Variants in CFAP299 observed in about 807,000 individuals in gnomAD.
The protein encoded by CFAP299 is cilia and flagella associated protein 299.
A neutral mutation model predicts 27.0 loss-of-function variants in CFAP299; 21 were observed. That is an observed-to-expected ratio of 0.78 (90% CI 0.55 to 1.12). The LOEUF is 1.12. Among genes scored for constraint, CFAP299 ranks in the 50% most tolerant of loss-of-function variants. The probability of loss-of-function intolerance (pLI) is 0.00; values close to 1 mark genes in which losing one functional copy is unlikely to be tolerated. For missense variants in CFAP299, 310 were observed against 276.6 expected (o/e 1.12, Z -0.86); for synonymous variants, 104 against 98.1 (o/e 1.06, Z -0.36).
At position 80,546,000 on chromosome 4, in the gene CFAP299, A is replaced by C. The variant is rs78754880; in HGVS notation, c.243-37093A>C. 3.5e-3 allele frequency among the ~76,000 whole-genome samples: 539 copies of C among 152,282 alleles called. 5 individuals carry two copies. The highest frequency in any genetic ancestry group is 6.7e-3 in the Non-Finnish European group (454 of 68,024). ...CACATAAACAAAATTAATAACATAG[A>C]CTACATGATTATATCAATAGACACA... On this transcript the variant is annotated intron_variant, in intron 2 of 5. Coordinates refer to ENST00000358105, the MANE Select transcript of CFAP299 (RefSeq NM_152770.3).
chr4:80,414,076 T>C (rs1393378604), intron 2 of CFAP299, among the ~76,000 whole-genome samples: 3 of 146,720 alleles, frequency 2.0e-5, no homozygotes. Flanking sequence ...TTTTTTTTTT[T>C]TTTTTTTTTT....
chr4:80,391,101 C>A (rs1164153562), intron 2 of CFAP299, among the ~76,000 whole-genome samples: 1 of 151,768 alleles, frequency 6.6e-6, no homozygotes, highest in Non-Finnish European at 1.5e-5. Context: ...ATATATCCTG[C>A]ATTTTCTTTA....
At chr4:80,651,862 T>C (rs1740321683) in intron 3 of CFAP299, among the ~76,000 whole-genome samples, 1 of 152,066 alleles carries the variant, frequency 6.6e-6, no homozygotes, top group African/African-American at 2.4e-5. Flanking sequence ...AAAGAGCTTA[T>C]GTGAAGAGTT....
At chr4:80,447,783 G>A (rs1186559743) in intron 2 of CFAP299, among the ~76,000 whole-genome samples, 1 of 152,118 alleles carries the variant, frequency 6.6e-6, no homozygotes, top group Admixed American at 6.5e-5. Context: ...CAGTCTTCTT[G>A]CTTTAAATTT....
chr4:80,896,276 A>G (rs1734605360), intron 4 of CFAP299, among the ~76,000 whole-genome samples: 1 of 152,136 alleles, frequency 6.6e-6, no homozygotes, highest in Non-Finnish European at 1.5e-5. Flanking sequence ...ATTTTGTAAT[A>G]CACATGTAAT....
At chr4:80,550,770 C>T (rs940324590) in intron 2 of CFAP299, among the ~76,000 whole-genome samples, 4 of 151,564 alleles carry the variant, frequency 2.6e-5, no homozygotes, top group African/African-American at 4.9e-5. Flanking sequence ...AACACACACA[C>T]ACACACACAC....
At chr4:80,669,574 CTTTT>C (rs77565445) in intron 3 of CFAP299, among the ~76,000 whole-genome samples, 1 of 133,522 alleles carries the variant, frequency 7.5e-6, no homozygotes. Flanking sequence ...AACAGTTTTT[CTTTT>C]TTTTTTTTTT....
intron 3 of CFAP299, among the ~76,000 whole-genome samples, chr4:80,812,529 A>G (rs1729209416): frequency 6.6e-6 from 1 of 152,120 alleles, no homozygotes; most frequent in Non-Finnish European, 1.5e-5. Context: ...TATTTCATTT[A>G]TTTACTTACT....
chr4:80,407,852 G>A (rs529947141), intron 2 of CFAP299, among the ~76,000 whole-genome samples: 21 of 152,142 alleles, frequency 1.4e-4, no homozygotes, highest in African/African-American at 4.1e-4. Flanking sequence ...TTCCTAAAAA[G>A]TATATTTTAA....
At chr4:80,585,962 A>C (rs1736415220) in intron 3 of CFAP299, among the ~76,000 whole-genome samples, 1 of 152,190 alleles carries the variant, frequency 6.6e-6, no homozygotes, top group Non-Finnish European at 1.5e-5. Context: ...GAGAGTGAGC[A>C]GCTGATAATA....
At chr4:80,408,602 G>A (rs554473861) in intron 2 of CFAP299, among the ~76,000 whole-genome samples, 1 of 151,956 alleles carries the variant, frequency 6.6e-6, no homozygotes, top group Non-Finnish European at 1.5e-5. Flanking sequence ...GCCTTTGACA[G>A]TCAGAATGTG....
chr4:80,938,865 G>T (rs1381842811), intron 4 of CFAP299, among the ~76,000 whole-genome samples: 2 of 152,160 alleles, frequency 1.3e-5, no homozygotes, highest in Non-Finnish European at 2.9e-5. Flanking sequence ...TTGTTCACCA[G>T]AGAAAGGCTT....
chr4:80,850,016 T>C (rs527241507), intron 3 of CFAP299, among the ~76,000 whole-genome samples: 53 of 152,192 alleles, frequency 3.5e-4, no homozygotes, highest in African/African-American at 1.2e-3. Flanking sequence ...AATTAAACAT[T>C]TTAAAGCTTA....
chr4:80,866,345 T>A (rs571488314), intron 3 of CFAP299, among the ~76,000 whole-genome samples: 3 of 151,962 alleles, frequency 2.0e-5, no homozygotes, highest in African/African-American at 4.8e-5. Context: ...ATTTGCATGA[T>A]GTTTACAAAT....
intron 3 of CFAP299, among the ~76,000 whole-genome samples, chr4:80,865,366 C>T (rs1732661417): frequency 6.6e-6 from 1 of 152,098 alleles, no homozygotes; most frequent in African/African-American, 2.4e-5. Context: ...AGGCAATCCA[C>T]AAAATATAAA....
At chr4:80,388,366 G>A in intron 2 of CFAP299, 1 of 682,320 alleles carries the variant, frequency 1.5e-6, no homozygotes. Context: ...TGTATGTAGA[G>A]ATCTGGCAAT....
intron 2 of CFAP299, among the ~76,000 whole-genome samples, chr4:80,468,241 A>G (rs58168309): frequency 0.1 from 14,972 of 148,168 alleles, 1,936 homozygotes; most frequent in African/African-American, 0.3. Context: ...TTTTTTTGAG[A>G]CAGAATCTTG....
chr4:80,368,741 A>G (rs1723974729), intron 2 of CFAP299, among the ~76,000 whole-genome samples: 2 of 152,210 alleles, frequency 1.3e-5, no homozygotes, highest in South Asian at 2.1e-4. Flanking sequence ...TAAAAACTGA[A>G]TATCATATAC....
intron 2 of CFAP299, among the ~76,000 whole-genome samples, chr4:80,471,956 C>A (rs1730021332): frequency 6.6e-6 from 1 of 152,194 alleles, no homozygotes; most frequent in Non-Finnish European, 1.5e-5. Flanking sequence ...ACTGCCCCTG[C>A]ACTTTCACTA....
Sources: allele counts gnomAD v4.1 joint callset (sites outside exome capture counted in the v4.1 genomes callset), GRCh38; gene constraint gnomAD v4.1.1; transcripts MANE v1.5; gene names NCBI Gene and HGNC (gene_info 2026-07-23, HGNC 2026-07-21).